Variants in MROH2A observed in about 807,000 individuals in gnomAD.
The protein encoded by MROH2A is maestro heat like repeat family member 2A, also known as maestro heat-like repeat-containing protein family member 2A.
Under a neutral mutation model 200.4 loss-of-function variants are expected in MROH2A, and 174 were observed. That is an observed-to-expected ratio of 0.87 (90% CI 0.77 to 0.98). MROH2A has a LOEUF of 0.98. Among genes scored for constraint, MROH2A ranks in the 50% least tolerant of loss-of-function variants. MROH2A has a pLI of 0.00. For synonymous variants in MROH2A, 829 were observed against 840.4 expected (o/e 0.99, Z 0.23); for missense variants, 2,045 against 2,139.6 (o/e 0.96, Z 0.87).
Position 233,828,960 on chromosome 2 carries a change from T to G in MROH2A, c.4334T>G (p.Val1445Gly), listed in dbSNP as rs771213950. The part of the protein sequence containing the change: ...GPLREPVSNS[V>G]TAEGMEALTK... Reference sequence around the variant, plus strand: ...CTGAGGGAGCCCGTGAGCAACAGCGTGACTGCCGAGGGCATGGAGGCCCTG... The same window carrying G: ...CTGAGGGAGCCCGTGAGCAACAGCGGGACTGCCGAGGGCATGGAGGCCCTG... Residue 1445 changes from valine to glycine, a missense_variant, in exon 37 of 42, where the codon GTG becomes GGG. Val to Gly is a moderately radical substitution (Grantham distance 109). Coordinates refer to ENST00000389758, the MANE Select transcript of MROH2A (RefSeq NM_001394639.1). The surrounding 1 kb of genome is among the most constrained non-coding windows in gnomAD (Gnocchi z 4.6). 1 of 1,550,542 alleles carries G rather than the reference T, an allele frequency of 6.4e-7. No individual in the cohort carries two copies.
chr2:233,802,307 G>A lies in MROH2A; in HGVS notation c.1700G>A (p.Ser567Asn). ...GTGGATGTCAGCGTGGCTGGCAAGA[G>A]CAGGCAAGGTGGGCAAAGTTCCTGT... ...QDVDVSVAGK[S>N]RQVDLPAPQK... Residue 567 changes from serine (S) to asparagine (N), a missense_variant, in exon 15 of 42, where the codon AGC becomes AAC. Physicochemically the swap from Ser to Asn is conservative, Grantham distance 46. Transcript: ENST00000389758. 2 of 1,549,776 alleles carry A rather than the reference G, an allele frequency of 1.3e-6. No homozygotes were observed. The highest frequency in any genetic ancestry group is 1.7e-6 in the Non-Finnish European group (2 of 1,146,578).
At chr2:233,782,436 G>C (rs1049462856) in intron 3 of MROH2A, among the ~76,000 whole-genome samples, 1 of 152,086 alleles carries the variant, frequency 6.6e-6, no homozygotes, top group Non-Finnish European at 1.5e-5. Context: ...TTTATTCCTA[G>C]GTATTTTATA....
Position 233,819,322 on chromosome 2 carries a change from C to T in MROH2A, c.3210C>T (p.Val1070=), listed in dbSNP as rs1404860924. 6.5e-7 allele frequency: 1 copy of T among 1,550,112 alleles called. No homozygotes were observed. The highest frequency in any genetic ancestry group is 8.7e-7 in the Non-Finnish European group (1 of 1,146,650). ...GTCACCCGCTCTGCTCCTAGGTGGT[C>T]TGCATGGAGTTTAGCTGCGATGAGG... The part of the protein sequence containing the change: ...FCASSRIAKV[V]CMEFSCDEVV... Residue 1070 remains valine (V), a synonymous_variant, in exon 30 of 42, where the codon GTC becomes GTT. Coordinates refer to ENST00000389758, the MANE Select transcript of MROH2A (RefSeq NM_001394639.1).
Position 233,810,874 on chromosome 2 carries a change from C to A in MROH2A, c.2529C>A (p.Asp843Glu). The A allele has an allele frequency of 6.4e-7, 1 of 1,550,444 alleles. No individual in the cohort carries two copies. Among genetic ancestry groups the A allele is most frequent in the Non-Finnish European group, 8.7e-7 (1 of 1,146,886 alleles). ...TCAACAACATCAAGGACCTGGAGGA[C>A]TTTCACTTTGCCCAGAAGACGACTC... Reference protein sequence around the residue: ...KAINNIKDLEDFHFAQKTTLT... With the variant: ...KAINNIKDLEEFHFAQKTTLT... Residue 843 changes from aspartate to glutamate, a missense_variant, in exon 23 of 42, where the codon GAC (aspartate) becomes GAA (glutamate). Asp to Glu is a conservative substitution (Grantham distance 45). Coordinates refer to ENST00000389758, the MANE Select transcript of MROH2A (RefSeq NM_001394639.1).
At position 233,807,496 on chromosome 2, in the gene MROH2A, T is replaced by C. The variant is rs1224294763; in HGVS notation, c.2126T>C (p.Leu709Ser). Reference protein sequence around the residue: ...LEASKVEVLLLELLYKTDYSN... With the variant: ...LEASKVEVLLSELLYKTDYSN... ...GCCAGCAAGGTGGAGGTCCTGCTGTTGGAGCTGCTGTACAAGACGGACTAC... is the reference window on the plus strand; with the variant it reads ...GCCAGCAAGGTGGAGGTCCTGCTGTCGGAGCTGCTGTACAAGACGGACTAC... The change falls in exon 20 of 42, where the codon TTG becomes TCG. Residue 709 changes from leucine (L) to serine (S), a missense_variant. Coordinates refer to ENST00000389758, the MANE Select transcript of MROH2A (RefSeq NM_001394639.1). The surrounding 1 kb of genome is among the most constrained non-coding windows in gnomAD (Gnocchi z 4.3). 1 of 1,550,626 alleles carries C rather than the reference T, an allele frequency of 6.4e-7. No individual in the cohort carries two copies. The highest frequency in any genetic ancestry group is 1.4e-5 in the African/African-American group (1 of 73,190).
rs372258796 is a variant in MROH2A at position 233,787,827 on chromosome 2, T to TTA, written c.277-1663_277-1662dup. Among the ~76,000 whole-genome samples, 2 of 5,716 alleles carry TTA rather than the reference T, an allele frequency of 3.5e-4. 1 individual carries two copies. Among genetic ancestry groups the TTA allele is most frequent in the African/African-American group, 9.5e-4 (2 of 2,098 alleles). The allele number at this position is 5,716 out of a possible 152,430, so 3.7% of individuals were successfully genotyped here. A position where few individuals can be genotyped will look rare whatever the true frequency, so the allele number is the denominator to read the frequency against. ...TTATATATATTATATATAATATATATTATATATACATATATATTATATATA... is the reference window on the plus strand; with the variant it reads ...TTATATATATTATATATAATATATATTATATATATACATATATATTATATATA... On this transcript the variant is annotated intron_variant, in intron 3 of 41. Transcript: ENST00000389758.
At chr2:233,808,991 G>C (rs1003589314) in intron 21 of MROH2A, 135 bp from the exon 22 acceptor site, 143 of 896,308 alleles carry the variant, frequency 1.6e-4, no homozygotes, top group Middle Eastern at 1.5e-3. Context: ...AACATTTCAG[G>C]CACCCAGAAA....
intron 26 of MROH2A, 58 bp from the exon 27 acceptor site, chr2:233,816,723 G>A (rs761416334): frequency 2.6e-5 from 32 of 1,241,894 alleles, no homozygotes; most frequent in Non-Finnish European, 3.5e-5. Flanking sequence ...AGCTGGCCAG[G>A]AAAGGGCTGG....
At position 233,784,023 on chromosome 2, in the gene MROH2A, G is replaced by A. The variant is rs115828831; in HGVS notation, c.276+4171G>A. ...AACTTTTCTTTTGTTCTCCTGTATT[G>A]TTTTATTACTCTTGATTTTGTTTAT... On this transcript the variant is annotated intron_variant, in intron 3 of 41. Coordinates refer to ENST00000389758, the MANE Select transcript of MROH2A (RefSeq NM_001394639.1). Among the ~76,000 whole-genome samples, 829 of 150,980 alleles carry A rather than the reference G, an allele frequency of 5.5e-3. 6 individuals are homozygous for A. Among genetic ancestry groups the A allele is most frequent in the African/African-American group, 0.019 (790 of 41,052 alleles).
intron 3 of MROH2A, 67 bp downstream of exon 3, chr2:233,779,919 A>G: frequency 7.8e-7 from 1 of 1,279,836 alleles, no homozygotes; most frequent in Admixed American, 2.1e-5. Context: ...ACCACCCAGC[A>G]CATAGTTACT....
At chr2:233,826,127 G>A (rs1401407429) in intron 35 of MROH2A, among the ~76,000 whole-genome samples, 2 of 152,042 alleles carry the variant, frequency 1.3e-5, no homozygotes, top group African/African-American at 2.4e-5. Context: ...GTTTCACCAT[G>A]TTGGCCAGGA....
chr2:233,780,121 G>A (rs1700877468), intron 3 of MROH2A, among the ~76,000 whole-genome samples: 1 of 152,200 alleles, frequency 6.6e-6, no homozygotes, highest in African/African-American at 2.4e-5. Flanking sequence ...TTGAGCCAGT[G>A]GGCATGGGAG....
Position 233,804,075 on chromosome 2 carries a change from G to A in MROH2A, c.1774G>A (p.Gly592Arg). Reference sequence around the variant, plus strand: ...GGTGCTGATGTCATCACCTTACAAGGGGGAGGGTCGTGGGATAGCCATGCT... The same window carrying A: ...GGTGCTGATGTCATCACCTTACAAGAGGGAGGGTCGTGGGATAGCCATGCT... The part of the protein sequence containing the change: ...LLVLMSSPYK[G>R]EGRGIAMLNL... Residue 592 changes from glycine (G) to arginine (R), a missense_variant, in exon 17 of 42, where the codon GGG (glycine) becomes AGG (arginine). Coordinates refer to ENST00000389758, the MANE Select transcript of MROH2A (RefSeq NM_001394639.1). 1 of 1,550,536 alleles carries A rather than the reference G, an allele frequency of 6.4e-7. No homozygotes were observed. The highest frequency in any genetic ancestry group is 8.7e-7 in the Non-Finnish European group (1 of 1,146,980).
intron 35 of MROH2A, among the ~76,000 whole-genome samples, chr2:233,824,155 G>A (rs1055852183): frequency 2.0e-5 from 3 of 152,240 alleles, no homozygotes; most frequent in Non-Finnish European, 4.4e-5. Flanking sequence ...TAAATTTTTG[G>A]CTTTGTGGCC....
intron 37 of MROH2A, 72 bp from the exon 38 acceptor site, chr2:233,829,548 C>A: frequency 1.5e-6 from 2 of 1,336,314 alleles, no homozygotes; most frequent in East Asian, 6.1e-5. Flanking sequence ...TTGGGTATTC[C>A]TTGGAGAATG....
rs1702079284 is a variant in MROH2A at position 233,795,969 on chromosome 2, G to A, written c.1062G>A (p.Val354=). ...CCTCACTGCACGTCCCTCACCAGGT[G>A]TGCAACAAGGCCCCGGCCCAGCATC... ...HTIFTELHVQ[V]CNKAPAQHQY... Residue 354 remains valine, a splice_region_variant and synonymous_variant, in exon 10 of 42, where the codon GTG becomes GTA. Transcript: ENST00000389758. 2 of 1,550,476 alleles carry A rather than the reference G, an allele frequency of 1.3e-6. No individual in the cohort carries two copies. Among genetic ancestry groups the A allele is most frequent in the African/African-American group, 1.4e-5 (1 of 73,058 alleles).
chr2:233,780,306 G>C (rs571607716), intron 3 of MROH2A, among the ~76,000 whole-genome samples: 2 of 152,292 alleles, frequency 1.3e-5, no homozygotes, highest in Admixed American at 6.5e-5. Context: ...CAAGGTTTTG[G>C]ACTAGACAAG....
chr2:233,816,606 G>A (rs1056494288), intron 26 of MROH2A, among the ~76,000 whole-genome samples, 175 bp from the exon 27 acceptor site: 2 of 152,150 alleles, frequency 1.3e-5, no homozygotes, highest in Non-Finnish European at 2.9e-5. Context: ...GAATGCTGGG[G>A]ATGCTCTTTC....
At position 233,781,092 on chromosome 2, in the gene MROH2A, T is replaced by C. The variant is rs534549932; in HGVS notation, c.276+1240T>C. The stretch of plus-strand genomic sequence containing the variant: ...TTCTTTTTTTTATGGTTGAATAATA[T>C]TCCGTTGTCTGTGTATACCACATTT... On this transcript the variant is annotated intron_variant, in intron 3 of 41. Coordinates refer to ENST00000389758, the MANE Select transcript of MROH2A (RefSeq NM_001394639.1). 7.2e-5 allele frequency among the ~76,000 whole-genome samples: 11 copies of C among 152,314 alleles called. No homozygotes were observed. The South Asian group carries it at 2.1e-3, about 29-fold the overall frequency.
Sources: gnomAD v4.1 joint callset for allele counts (sites outside exome capture counted in the v4.1 genomes callset) on GRCh38, gnomAD v4.1.1 for gene constraint, Gnocchi (gnomAD v3.1) non-coding constraint, MANE v1.5 for transcripts, NCBI Gene and HGNC (gene_info 2026-07-23, HGNC 2026-07-21) for gene names.